Variants in CHL1 observed in about 807,000 individuals in gnomAD.
The protein encoded by CHL1 is neural cell adhesion molecule L1-like protein.
Under a neutral mutation model 141.9 loss-of-function variants are expected in CHL1, and 96 were observed. That is an observed-to-expected ratio of 0.68 (90% CI 0.57 to 0.80). The LOEUF (loss-of-function observed/expected upper bound fraction) is 0.80, where lower values mean the gene tolerates loss of function less well. CHL1 is among the 30% of genes least tolerant of loss of function. The pLI is 0.00. For synonymous variants in CHL1, 613 were observed against 502.2 expected (o/e 1.22, Z -2.95); for missense variants, 1,820 against 1,457.2 (o/e 1.25, Z -4.05).
rs77696072 is a variant in CHL1, at chr3:223,663, C to T, written c.-174-20950C>T. On this transcript the variant is annotated intron_variant, in intron 1 of 27. Transcript: ENST00000256509. ...GGATAGGGCAAATTCACTGAGACAGCGGTATTACAGTAGAGAAAGAGTTTA... is the reference window on the plus strand; with the variant it reads ...GGATAGGGCAAATTCACTGAGACAGTGGTATTACAGTAGAGAAAGAGTTTA... 8.7e-3 allele frequency among the ~76,000 whole-genome samples: 1,318 copies of T among 152,222 alleles called. 21 individuals carry two copies. Among genetic ancestry groups the T allele is most frequent in the African/African-American group, 0.03 (1,227 of 41,532 alleles).
At chr3:367,526 C>T (rs1278352155) in intron 15 of CHL1, among the ~76,000 whole-genome samples, 1 of 152,168 alleles carries the variant, frequency 6.6e-6, no homozygotes, top group Admixed American at 6.5e-5. Context: ...ATAGGGTTAA[C>T]AATACCAAGT....
intron 2 of CHL1, among the ~76,000 whole-genome samples, chr3:251,771 C>A (rs919639596): frequency 6.6e-6 from 1 of 152,052 alleles, no homozygotes; most frequent in Non-Finnish European, 1.5e-5. Flanking sequence ...ACTTATATTT[C>A]TTTAATCCAC....
chr3:355,753 G>T (rs899430737), intron 11 of CHL1, among the ~76,000 whole-genome samples: 1 of 152,048 alleles, frequency 6.6e-6, no homozygotes, highest in African/African-American at 2.4e-5. Context: ...AGATAGTGGC[G>T]GTTGGTTGTG....
intron 2 of CHL1, among the ~76,000 whole-genome samples, chr3:263,703 C>A (rs1356205066): frequency 6.6e-6 from 1 of 152,158 alleles, no homozygotes; most frequent in East Asian, 1.9e-4. Flanking sequence ...TTGATTTGTG[C>A]ATGTATTTGC....
chr3:342,159 A>T lies in CHL1; in HGVS notation c.679+77A>T. The T allele has an allele frequency of 3.7e-6, 5 of 1,351,026 alleles. No homozygotes were observed. The South Asian group carries it at 6.9e-5, about 19-fold the overall frequency. 83.7% of individuals were successfully genotyped at this position (1,351,026 alleles called of 1,614,324 possible). ...CTGTAATTTCCTTCTGGCTGAAGCC[A>T]TTTAAAGCTGGGTTGATATTTTGCA... On this transcript the variant is annotated intron_variant, in intron 7 of 27. Transcript: ENST00000256509.
intron 9 of CHL1, among the ~76,000 whole-genome samples, chr3:346,879 G>A (rs922951406): frequency 6.6e-6 from 1 of 152,036 alleles, no homozygotes; most frequent in African/African-American, 2.4e-5. Context: ...TTTGTGTCAA[G>A]CACTATATTT....
At chr3:321,479 G>C (rs1700560932) in intron 3 of CHL1, among the ~76,000 whole-genome samples, 1 of 152,042 alleles carries the variant, frequency 6.6e-6, no homozygotes, top group Non-Finnish European at 1.5e-5. Flanking sequence ...TTAAGAGCAA[G>C]CTTCTTGGTA....
At position 389,274 on chromosome 3, in the gene CHL1, A is replaced by C; in HGVS notation, c.2270A>C (p.Asn757Thr). Residue 757 changes from asparagine (N) to threonine (T), a missense_variant, in exon 20 of 28, where the codon AAT (asparagine) becomes ACT (threonine). Asn to Thr is a moderately conservative substitution (Grantham distance 65). Transcript: ENST00000256509. ...KWEPLKSMEQ[N>T]GPGLEYRVTW... is the part of the protein sequence containing the mutation. ...TAGCCTTTGAAATCCATGGAGCAGA[A>C]TGGACCAGGCCTAGAGTACAGAGTG... 6.2e-7 allele frequency: 1 copy of C among 1,611,448 alleles called. No homozygotes were observed. The highest frequency in any genetic ancestry group is 8.5e-7 in the Non-Finnish European group (1 of 1,178,612).
In CHL1 at chr3:361,716, C is replaced by A. The variant is rs763877004; in HGVS notation, c.1324C>A (p.Gln442Lys). The change falls in exon 13 of 28, where the codon CAA (glutamine) becomes AAA (lysine). Residue 442 changes from glutamine to lysine, a missense_variant. By Grantham distance (53) the Gln-to-Lys change is moderately conservative (BLOSUM62 1). Coordinates refer to ENST00000256509, the MANE Select transcript of CHL1 (RefSeq NM_006614.4). Reference protein sequence around the residue: ...IDVVDVRPLIQTKDGENYATV... With the variant: ...IDVVDVRPLIKTKDGENYATV... ...TCAAATAGATGTCCGTCCATTGATACAAACCAAAGATGGAGAAAATTACGC... is the reference window on the plus strand; with the variant it reads ...TCAAATAGATGTCCGTCCATTGATAAAAACCAAAGATGGAGAAAATTACGC... 1 of 1,612,420 alleles carries A rather than the reference C, an allele frequency of 6.2e-7. No homozygotes were observed. Among genetic ancestry groups the A allele is most frequent in the African/African-American group, 1.3e-5 (1 of 74,986 alleles).
chr3:339,416 C>CA (rs1482390103), intron 5 of CHL1, among the ~76,000 whole-genome samples: 2 of 152,084 alleles, frequency 1.3e-5, no homozygotes, highest in Non-Finnish European at 2.9e-5. Flanking sequence ...CTACCTATAG[C>CA]AAAAATGTGA....
intron 13 of CHL1, among the ~76,000 whole-genome samples, chr3:362,797 T>A (rs1188335033): frequency 6.6e-6 from 1 of 152,176 alleles, no homozygotes; most frequent in African/African-American, 2.4e-5. Context: ...TTATAATATT[T>A]CTGAATGACC....
intron 2 of CHL1, among the ~76,000 whole-genome samples, chr3:291,517 C>G (rs2125341727): frequency 6.7e-6 from 1 of 150,286 alleles, no homozygotes; most frequent in South Asian, 2.1e-4. Flanking sequence ...CCTGATCACT[C>G]TGGCCTTACT....
chr3:277,262 T>G (rs1696228147), intron 2 of CHL1, among the ~76,000 whole-genome samples: 1 of 152,170 alleles, frequency 6.6e-6, no homozygotes, highest in Non-Finnish European at 1.5e-5. Flanking sequence ...TGCTAAGATG[T>G]TCTCAGTGCT....
At chr3:360,740 C>T (rs531479951) in intron 12 of CHL1, among the ~76,000 whole-genome samples, 2 of 125,626 alleles carry the variant, frequency 1.6e-5, no homozygotes, top group East Asian at 5.3e-4. Flanking sequence ...TCCCGCCCCC[C>T]CTCCCCCCAC....
intron 18 of CHL1, among the ~76,000 whole-genome samples, chr3:383,119 T>C (rs1210944264): frequency 6.6e-6 from 1 of 152,192 alleles, no homozygotes; most frequent in Admixed American, 6.5e-5. Flanking sequence ...TTGTTATTGA[T>C]CATCAATGTG....
At chr3:214,300 A>G (rs1001201468) in intron 1 of CHL1, among the ~76,000 whole-genome samples, 1 of 152,172 alleles carries the variant, frequency 6.6e-6, no homozygotes, top group Non-Finnish European at 1.5e-5. Flanking sequence ...TTTCAGTCCT[A>G]GGCACTCAGG....
chr3:314,333 A>C (rs1160278868), intron 2 of CHL1, among the ~76,000 whole-genome samples: 3 of 34,954 alleles, frequency 8.6e-5, no homozygotes, highest in South Asian at 8.9e-4. Context: ...CTATGTGTAT[A>C]TATATATATA....
chr3:302,924 G>A (rs1427172254), intron 2 of CHL1, among the ~76,000 whole-genome samples: 1 of 152,132 alleles, frequency 6.6e-6, no homozygotes, highest in African/African-American at 2.4e-5. Context: ...TTTGTGTAAG[G>A]TGTAAGGAAG....
intron 1 of CHL1, among the ~76,000 whole-genome samples, chr3:224,973 T>C (rs1701185877): frequency 6.6e-6 from 1 of 151,106 alleles, no homozygotes; most frequent in Non-Finnish European, 1.5e-5. Context: ...CCATCTCTAC[T>C]AAAAACAGAA....
Sources: gnomAD v4.1 joint callset for allele counts (sites outside exome capture counted in the v4.1 genomes callset) on GRCh38, gnomAD v4.1.1 for gene constraint, MANE v1.5 for transcripts, NCBI Gene and HGNC (gene_info 2026-07-23, HGNC 2026-07-21) for gene names.